Variants in ARHGEF7 observed in about 807,000 individuals in gnomAD.
The protein encoded by ARHGEF7 is Rho guanine nucleotide exchange factor 7, also known as PAK-interacting exchange factor beta.
In ARHGEF7, 33 loss-of-function variants were observed where a neutral mutation model predicts 109.8. The observed-to-expected ratio is 0.30, with a 90% CI of 0.23 to 0.40. The LOEUF is 0.40. Ranked by LOEUF, ARHGEF7 falls within the 10% of genes least tolerant of loss-of-function variation. The probability of loss-of-function intolerance (pLI) is 1.00; values close to 1 mark genes in which losing one functional copy is unlikely to be tolerated. For missense variants in ARHGEF7, 938 were observed against 1,098.5 expected (o/e 0.85, Z 2.07); for synonymous variants, 458 against 424.6 (o/e 1.08, Z -0.97).
chr13:111,248,642 G>A (rs986037481), intron 8 of ARHGEF7, among the ~76,000 whole-genome samples: 2 of 152,022 alleles, frequency 1.3e-5, no homozygotes, highest in Non-Finnish European at 2.9e-5. Flanking sequence ...GTTCGTCCCC[G>A]TGCAACAAGT....
At chr13:111,238,696 G>A (rs2087206568) in intron 6 of ARHGEF7, among the ~76,000 whole-genome samples, 2 of 152,020 alleles carry the variant, frequency 1.3e-5, no homozygotes, top group Admixed American at 6.5e-5. Context: ...GGGGTTGGAT[G>A]CCTAGGCTGG....
intron 2 of ARHGEF7, among the ~76,000 whole-genome samples, chr13:111,196,558 G>A (rs888656497): frequency 1.3e-5 from 2 of 152,136 alleles, no homozygotes; most frequent in Non-Finnish European, 2.9e-5. Context: ...AGGGAGAAGG[G>A]GACATGTACC....
intron 19 of ARHGEF7, among the ~76,000 whole-genome samples, chr13:111,297,739 C>G (rs79960013): frequency 6.6e-6 from 1 of 152,188 alleles, no homozygotes; most frequent in Non-Finnish European, 1.5e-5. Context: ...TCACAACTCC[C>G]GTACGGAAGT....
In ARHGEF7 at chr13:111,115,593, A is replaced by C. The variant is rs746874740; in HGVS notation, c.67A>C (p.Thr23Pro). The C allele has an allele frequency of 7.0e-7, 1 of 1,423,372 alleles. No individual in the cohort carries two copies. The highest frequency in any genetic ancestry group is 9.3e-7 in the Non-Finnish European group (1 of 1,072,484). 88.2% of individuals were successfully genotyped at this position (1,423,372 alleles called of 1,614,324 possible). A position where few individuals can be genotyped will look rare whatever the true frequency, so the allele number is the denominator to read the frequency against. ...TLGVLESPKK[T>P]ISDPEGFLQA... ...GGGGGTGCTGGAGTCGCCCAAAAAA[A>C]CCATCTCGGACCCGGAGGGCTTTCT... The change falls in exon 1 of 22, where the codon ACC (threonine) becomes CCC (proline). Residue 23 changes from threonine (T) to proline (P), a missense_variant. Coordinates refer to ENST00000646102, the MANE Select transcript of ARHGEF7 (RefSeq NM_001354046.2).
intron 5 of ARHGEF7, among the ~76,000 whole-genome samples, chr13:111,233,004 G>C (rs2086307133): frequency 6.6e-6 from 1 of 152,142 alleles, no homozygotes; most frequent in Admixed American, 6.5e-5. Context: ...GGGGTGCTGT[G>C]ATTGGCCTTG....
At chr13:111,262,544 T>G (rs896613967) in intron 8 of ARHGEF7, among the ~76,000 whole-genome samples, 1 of 151,888 alleles carries the variant, frequency 6.6e-6, no homozygotes, top group East Asian at 1.9e-4. Context: ...TGTATGGAGG[T>G]TCCCCCAGCA....
intron 5 of ARHGEF7, among the ~76,000 whole-genome samples, chr13:111,219,941 TGA>T (rs1347673512): frequency 6.6e-6 from 1 of 152,180 alleles, no homozygotes; most frequent in African/African-American, 2.4e-5. Flanking sequence ...TAGAGCCCAC[TGA>T]GAGCGCGGCA....
Position 111,228,143 on chromosome 13 carries a change from A to C in ARHGEF7, c.671-5062A>C, listed in dbSNP as rs1036863012. Among the ~76,000 whole-genome samples, 1 of 152,132 alleles carries C rather than the reference A, an allele frequency of 6.6e-6. No homozygotes were observed. Among genetic ancestry groups the C allele is most frequent in the Non-Finnish European group, 1.5e-5 (1 of 68,024 alleles). On this transcript the variant is annotated intron_variant, in intron 5 of 21. Coordinates refer to ENST00000646102, the MANE Select transcript of ARHGEF7 (RefSeq NM_001354046.2). This position sits in a 1 kb window ranked among gnomAD's most constrained non-coding sequence, Gnocchi z 4.6. ...TGCTCTCTGCTCTCTACTGGCATCC[A>C]AAAAAGAGGAGGGGGCGCTTTTATA...
chr13:111,139,624 G>A (rs2075257368), intron 1 of ARHGEF7, among the ~76,000 whole-genome samples: 1 of 152,030 alleles, frequency 6.6e-6, no homozygotes, highest in Non-Finnish European at 1.5e-5. Context: ...CCTGCGTGGA[G>A]CACTGGCGGC....
At chr13:111,194,759 A>G (rs2080295870) in intron 2 of ARHGEF7, among the ~76,000 whole-genome samples, 1 of 152,230 alleles carries the variant, frequency 6.6e-6, no homozygotes, top group Admixed American at 6.5e-5. Context: ...GGTGAGGGCT[A>G]TCCCTAAACC....
At chr13:111,234,523 G>C (rs528157468) in intron 6 of ARHGEF7, among the ~76,000 whole-genome samples, 2 of 152,158 alleles carry the variant, frequency 1.3e-5, no homozygotes, top group Non-Finnish European at 2.9e-5. Flanking sequence ...TTGGGTACGG[G>C]AACACAATGG....
chr13:111,246,199 A>G (rs573443309), intron 8 of ARHGEF7, among the ~76,000 whole-genome samples: 2 of 152,372 alleles, frequency 1.3e-5, no homozygotes, highest in South Asian at 2.1e-4. Context: ...TCAGTAGTCT[A>G]TCAGGTGAGG....
intron 2 of ARHGEF7, among the ~76,000 whole-genome samples, chr13:111,199,392 G>A (rs564116430): frequency 4.4e-4 from 67 of 152,290 alleles, no homozygotes; most frequent in Non-Finnish European, 7.6e-4. Flanking sequence ...TTTGATTGAA[G>A]CTGTCCTGGA....
chr13:111,153,632 C>G (rs1282828145), intron 1 of ARHGEF7: 1 of 1,199,426 alleles, frequency 8.3e-7, no homozygotes, highest in Admixed American at 4.8e-5. Context: ...GGCGGGGGCG[C>G]GGTCTGAGGA....
chr13:111,163,778 T>G (rs2076922305), intron 2 of ARHGEF7, among the ~76,000 whole-genome samples: 1 of 152,030 alleles, frequency 6.6e-6, no homozygotes. Context: ...CAAGCAGTCT[T>G]CCCACCTCAG....
chr13:111,217,574 T>C (rs1308142848), intron 4 of ARHGEF7, 105 bp from the exon 5 acceptor site: 6 of 1,086,816 alleles, frequency 5.5e-6, no homozygotes, highest in East Asian at 2.5e-5. Context: ...GTATTTCTAC[T>C]GTTGGGCAAT....
chr13:111,194,372 A>C (rs1594557476), intron 2 of ARHGEF7, among the ~76,000 whole-genome samples: 1 of 152,226 alleles, frequency 6.6e-6, no homozygotes, highest in East Asian at 1.9e-4. Context: ...TGATTAGAGT[A>C]TGGAGGGGCC....
chr13:111,208,543 A>T (rs1038609632), intron 3 of ARHGEF7, among the ~76,000 whole-genome samples: 2 of 152,198 alleles, frequency 1.3e-5, no homozygotes, highest in African/African-American at 4.8e-5. Context: ...GGGGAAGTAC[A>T]GAATGTCTTC....
intron 2 of ARHGEF7, among the ~76,000 whole-genome samples, chr13:111,190,252 C>T (rs1285428614): frequency 3.3e-5 from 5 of 152,156 alleles, no homozygotes; most frequent in South Asian, 2.1e-4. Context: ...ATGGCTGCCA[C>T]GGGACCTAGA....
Sources: allele counts gnomAD v4.1 joint callset (sites outside exome capture counted in the v4.1 genomes callset), GRCh38; gene constraint gnomAD v4.1.1; non-coding constraint Gnocchi (gnomAD v3.1); transcripts MANE v1.5; gene names NCBI Gene and HGNC (gene_info 2026-07-23, HGNC 2026-07-21).